Variants in GCNT1 observed in about 807,000 individuals in gnomAD.
GCNT1 encodes glucosaminyl (N-acetyl) transferase 1.
In GCNT1, 16 loss-of-function variants were observed where a neutral mutation model predicts 26.2. The observed-to-expected ratio is 0.61, with a 90% CI of 0.41 to 0.93. The LOEUF (loss-of-function observed/expected upper bound fraction) is 0.93. GCNT1 is among the 40% of genes least tolerant of loss of function. The probability of loss-of-function intolerance (pLI) is 0.00; values close to 1 mark genes in which losing one functional copy is unlikely to be tolerated. For synonymous variants in GCNT1, 183 were observed against 190.8 expected (o/e 0.96, Z 0.34); for missense variants, 477 against 526.7 (o/e 0.91, Z 0.92).
chr9:76,487,103 A>C (rs1824601379), intron 2 of GCNT1, among the ~76,000 whole-genome samples: 1 of 152,122 alleles, frequency 6.6e-6, no homozygotes, highest in Non-Finnish European at 1.5e-5. Flanking sequence ...AAGCAGGGCA[A>C]GGTTGTGGTG....
chr9:76,475,877 G>A (rs542004461), intron 2 of GCNT1, among the ~76,000 whole-genome samples: 1 of 151,840 alleles, frequency 6.6e-6, no homozygotes, highest in African/African-American at 2.4e-5. Flanking sequence ...CATTTAGGAA[G>A]TAACTAACAT....
At chr9:76,485,855 C>A (rs112467465) in intron 2 of GCNT1, among the ~76,000 whole-genome samples, 1 of 152,158 alleles carries the variant, frequency 6.6e-6, no homozygotes, top group East Asian at 1.9e-4. Flanking sequence ...GCCTCAGCCT[C>A]CCAAGTAGCT....
the GCNT1 span, chr9:76,393,947 GAC>G: frequency 1.4e-6 from 1 of 739,258 alleles, no homozygotes; most frequent in Non-Finnish European, 2.1e-6. Flanking sequence ...CTCCGCCACA[GAC>G]AAGGGGATGC....
At chr9:76,397,241 C>T in the GCNT1 span, among the ~76,000 whole-genome samples, 2 of 151,878 alleles carry the variant, frequency 1.3e-5, no homozygotes, top group Non-Finnish European at 2.9e-5. Context: ...GAGATTGCTC[C>T]ATTGTACTCC....
intron 2 of GCNT1, 140 bp downstream of exon 2, chr9:76,460,317 A>G (rs116875325): frequency 1.3e-5 from 2 of 152,344 alleles, no homozygotes; most frequent in East Asian, 3.9e-4. Flanking sequence ...GGGAAGATAT[A>G]TGGTGTTCAA....
chr9:76,397,248 C>T, the GCNT1 span, among the ~76,000 whole-genome samples: 5 of 151,770 alleles, frequency 3.3e-5, no homozygotes, highest in South Asian at 2.1e-4. Context: ...CTCCATTGTA[C>T]TCCAGCCTGA....
chr9:76,410,861 A>C, the GCNT1 span, among the ~76,000 whole-genome samples: 5 of 152,148 alleles, frequency 3.3e-5, no homozygotes, highest in Admixed American at 2.0e-4. Flanking sequence ...CACATATTTT[A>C]CAACTTTGTT....
chr9:76,502,904 A>G lies in GCNT1; in HGVS notation c.523A>G (p.Asn175Asp), dbSNP rs1825121241. Residue 175 changes from asparagine (N) to aspartate (D), a missense_variant, in exon 4 of 4, where the codon AAT (asparagine) becomes GAT (aspartate). By Grantham distance (23) the Asn-to-Asp change is conservative. Coordinates refer to ENST00000376730, the MANE Select transcript of GCNT1 (RefSeq NM_001490.5). ...AVMGIASCFS[N>D]VFVASRLESV... ...GATGGGCATCGCTTCCTGTTTTAGT[A>G]ATGTCTTTGTGGCCAGCCGATTGGA... is the stretch of plus-strand genomic sequence containing the variant. 2.5e-6 allele frequency: 4 copies of G among 1,613,640 alleles called. No homozygotes were observed. Among genetic ancestry groups the G allele is most frequent in the Admixed American group, 1.7e-5 (1 of 59,980 alleles).
At chr9:76,500,562 G>C (rs936678291) in intron 2 of GCNT1, among the ~76,000 whole-genome samples, 1 of 151,758 alleles carries the variant, frequency 6.6e-6, no homozygotes, top group East Asian at 2.0e-4. Context: ...TCATTAATTT[G>C]CCAGTGAGCA....
chr9:76,412,802 C>T, the GCNT1 span, among the ~76,000 whole-genome samples: 1 of 152,210 alleles, frequency 6.6e-6, no homozygotes, highest in South Asian at 2.1e-4. Flanking sequence ...CTAGATACAA[C>T]CTACTTGACT....
chr9:76,502,473 T>C lies in GCNT1; in HGVS notation c.92T>C (p.Val31Ala), dbSNP rs1825104651. 1.2e-6 allele frequency: 2 copies of C among 1,613,418 alleles called. No homozygotes were observed. The highest frequency in any genetic ancestry group is 1.7e-6 in the Non-Finnish European group (2 of 1,179,488). Residue 31 changes from valine (V) to alanine (A), a missense_variant, in exon 4 of 4, where the codon GTT (valine) becomes GCT (alanine). Physicochemically the swap from Val to Ala is moderately conservative, Grantham distance 64. Coordinates refer to ENST00000376730, the MANE Select transcript of GCNT1 (RefSeq NM_001490.5). ...VLVLSLITFS[V>A]LRIHQKPEFV... ...GTTTTATCCCTAATCACCTTCTCCGTTTTAAGGATTCATCAAAAGCCTGAA... is the reference window on the plus strand; with the variant it reads ...GTTTTATCCCTAATCACCTTCTCCGCTTTAAGGATTCATCAAAAGCCTGAA...
the GCNT1 span, among the ~76,000 whole-genome samples, chr9:76,397,641 A>G: frequency 6.6e-6 from 1 of 152,024 alleles, no homozygotes. Flanking sequence ...ACAGGGTTTC[A>G]TCATGTTGGC....
Position 76,421,686 on chromosome 9 carries a change from GTTGTTTTTTTT to G in GCNT1, n.38+1802_38+1812del, listed in dbSNP as rs1440542240. On this transcript the variant is annotated intron_variant and non_coding_transcript_variant, in intron 1 of 3. Transcript: ENST00000488136. ...TGATGGCAACTCAATTTGTTTGTAG[GTTGTTTTTTTT>G]TTTTTTTTTTTTTTTGGAAATGGTC... Among the ~76,000 whole-genome samples, 12 of 84,378 alleles carry G rather than the reference GTTGTTTTTTTT, an allele frequency of 1.4e-4. 1 individual carries two copies. The highest frequency in any genetic ancestry group is 8.2e-4 in the South Asian group (2 of 2,428). The allele number at this position is 84,378 out of a possible 152,430, so 55.4% of individuals were successfully genotyped here.
At chr9:76,460,419 T>C (rs987568456) in intron 2 of GCNT1, among the ~76,000 whole-genome samples, 7 of 152,218 alleles carry the variant, frequency 4.6e-5, no homozygotes, top group African/African-American at 1.7e-4. Context: ...GGTCTGGAAG[T>C]TGTCTCTTCG....
At chr9:76,448,180 G>T (rs374910392) in intron 1 of GCNT1, among the ~76,000 whole-genome samples, 1 of 152,142 alleles carries the variant, frequency 6.6e-6, no homozygotes, top group Non-Finnish European at 1.5e-5. Flanking sequence ...AGCCAGGCGC[G>T]GTGGCTCGCG....
chr9:76,443,433 G>A (rs1001347864), intron 1 of GCNT1, among the ~76,000 whole-genome samples: 3 of 152,070 alleles, frequency 2.0e-5, no homozygotes, highest in East Asian at 3.8e-4. Context: ...GGGATGGGCC[G>A]AATTAAAGGA....
At chr9:76,474,570 CCTG>C (rs931193963) in intron 2 of GCNT1, among the ~76,000 whole-genome samples, 3 of 151,982 alleles carry the variant, frequency 2.0e-5, no homozygotes, top group African/African-American at 7.2e-5. Flanking sequence ...AAATGAAATC[CCTG>C]CTGCTATTAC....
At chr9:76,460,968 C>G (rs1251014499) in intron 2 of GCNT1, among the ~76,000 whole-genome samples, 1 of 152,158 alleles carries the variant, frequency 6.6e-6, no homozygotes, top group Non-Finnish European at 1.5e-5. Context: ...TAAGGAGTTA[C>G]TCCTTTTCCG....
At chr9:76,466,317 T>C (rs1823993278) in intron 2 of GCNT1, among the ~76,000 whole-genome samples, 1 of 152,182 alleles carries the variant, frequency 6.6e-6, no homozygotes, top group Non-Finnish European at 1.5e-5. Context: ...GTTTGTTTTG[T>C]TTTTGACAGG....
Sources: gnomAD v4.1 joint callset for allele counts (sites outside exome capture counted in the v4.1 genomes callset) on GRCh38, gnomAD v4.1.1 for gene constraint, MANE v1.5 for transcripts, NCBI Gene and HGNC (gene_info 2026-07-23, HGNC 2026-07-21) for gene names.